Variants in ATP8B4 observed in about 807,000 individuals in gnomAD.
ATP8B4 encodes probable phospholipid-transporting ATPase IM.
A neutral mutation model predicts 145.6 loss-of-function variants in ATP8B4; 133 were observed. That is an observed-to-expected ratio of 0.91 (90% confidence interval 0.79 to 1.05). The LOEUF (loss-of-function observed/expected upper bound fraction) is 1.05. Among genes scored for constraint, ATP8B4 ranks in the 50% least tolerant of loss-of-function variants. The pLI is 0.00. For missense variants in ATP8B4, 1,458 were observed against 1,425.2 expected (o/e 1.02, Z -0.37); for synonymous variants, 507 against 492.9 (o/e 1.03, Z -0.38).
intron 20 of ATP8B4, among the ~76,000 whole-genome samples, chr15:49,913,253 G>A (rs1313259590): frequency 2.6e-5 from 4 of 151,804 alleles, no homozygotes; most frequent in African/African-American, 7.3e-5. Context: ...GATACATCAC[G>A]TCAACAAAAT....
At chr15:49,915,152 C>T (rs78885873) in intron 20 of ATP8B4, among the ~76,000 whole-genome samples, 6,642 of 152,130 alleles carry the variant, frequency 0.044, 506 homozygotes, top group African/African-American at 0.15. Flanking sequence ...TGAAATCCTA[C>T]CATTTTAAGC....
intron 6 of ATP8B4, among the ~76,000 whole-genome samples, chr15:50,032,827 TATAAG>T (rs369358935): frequency 2.6e-4 from 39 of 152,154 alleles, no homozygotes; most frequent in African/African-American, 9.2e-4. Flanking sequence ...AGAGAGGAAA[TATAAG>T]AAAATAGTAA....
intron 1 of ATP8B4, among the ~76,000 whole-genome samples, chr15:50,118,562 G>A (rs1245779125): frequency 1.3e-5 from 2 of 152,104 alleles, no homozygotes; most frequent in African/African-American, 4.8e-5. Context: ...CTTCAAAACA[G>A]CTAATTGTTA....
chr15:50,041,563 A>C (rs1005798332), intron 5 of ATP8B4, among the ~76,000 whole-genome samples: 1 of 152,192 alleles, frequency 6.6e-6, no homozygotes, highest in Non-Finnish European at 1.5e-5. Context: ...CGGCAACCTC[A>C]CAGGAATCAG....
chr15:49,905,137 G>T (rs1210301293), intron 20 of ATP8B4, among the ~76,000 whole-genome samples: 3 of 152,154 alleles, frequency 2.0e-5, no homozygotes, highest in Non-Finnish European at 2.9e-5. Flanking sequence ...AATTAACCCA[G>T]GACTCAAAGT....
chr15:50,019,723 A>G (rs755126997), intron 6 of ATP8B4, among the ~76,000 whole-genome samples: 16 of 152,170 alleles, frequency 1.1e-4, no homozygotes, highest in Non-Finnish European at 1.5e-4. Context: ...ACTAAATCCA[A>G]TGATCAGTTC....
At position 49,930,052 on chromosome 15, in the gene ATP8B4, A is replaced by G. The variant is rs961424656; in HGVS notation, c.1642+1067T>C. Among the ~76,000 whole-genome samples the G allele has an allele frequency of 2.6e-5, 4 of 152,082 alleles. 1 individual carries two copies. Among genetic ancestry groups the G allele is most frequent in the African/African-American group, 9.6e-5 (4 of 41,458 alleles). ...CACCAGCATATGAAGAATATTTTTAAGGAAACAGGAGGATAATATAGTTGT... is the reference window on the plus strand; with the variant it reads ...CACCAGCATATGAAGAATATTTTTAGGGAAACAGGAGGATAATATAGTTGT... On this transcript the variant is annotated intron_variant, in intron 16 of 27. Coordinates refer to ENST00000284509, the MANE Select transcript of ATP8B4 (RefSeq NM_024837.4).
intron 16 of ATP8B4, among the ~76,000 whole-genome samples, chr15:49,927,869 C>T (rs1003169814): frequency 5.3e-5 from 8 of 152,156 alleles, no homozygotes; most frequent in Non-Finnish European, 1.0e-4. Flanking sequence ...GTTGTCAAAA[C>T]ATAAAAATAA....
intron 6 of ATP8B4, among the ~76,000 whole-genome samples, chr15:50,036,561 A>G (rs2050852795): frequency 6.6e-6 from 1 of 152,246 alleles, no homozygotes; most frequent in African/African-American, 2.4e-5. Flanking sequence ...GCCAGTCTCC[A>G]TAGCCTGAGC....
At chr15:50,177,212 A>G (rs1237286280) in intron 1 of ATP8B4, among the ~76,000 whole-genome samples, 2 of 152,320 alleles carry the variant, frequency 1.3e-5, no homozygotes, top group East Asian at 3.9e-4. Context: ...CTTTTTTGTC[A>G]AGAATGGCCC....
At chr15:49,965,415 T>G (rs1468992024) in intron 13 of ATP8B4, among the ~76,000 whole-genome samples, 1 of 152,160 alleles carries the variant, frequency 6.6e-6, no homozygotes, top group Non-Finnish European at 1.5e-5. Flanking sequence ...AAGTGGACAC[T>G]CAGAATCCCA....
chr15:50,064,206 T>C (rs1027186623), intron 3 of ATP8B4, among the ~76,000 whole-genome samples: 4 of 152,110 alleles, frequency 2.6e-5, no homozygotes, highest in African/African-American at 9.7e-5. Context: ...CCTTCTTCCC[T>C]AAACTTTTGG....
chr15:49,938,740 A>G (rs185830192), intron 14 of ATP8B4, among the ~76,000 whole-genome samples: 85 of 152,232 alleles, frequency 5.6e-4, no homozygotes, highest in Admixed American at 4.6e-3. Context: ...CTTGAATTCA[A>G]TACTTGACCA....
chr15:49,928,353 G>A (rs78302745), intron 16 of ATP8B4, among the ~76,000 whole-genome samples: 1 of 152,068 alleles, frequency 6.6e-6, no homozygotes. Context: ...AGAGAAGTGG[G>A]GGAAAGGAGT....
At chr15:50,077,993 A>T (rs1203384170) in intron 2 of ATP8B4, among the ~76,000 whole-genome samples, 1 of 152,158 alleles carries the variant, frequency 6.6e-6, no homozygotes, top group Admixed American at 6.5e-5. Context: ...GCACTAATCT[A>T]TCTAGTCCTT....
chr15:50,148,169 C>A (rs1441641296), intron 1 of ATP8B4, among the ~76,000 whole-genome samples: 1 of 152,024 alleles, frequency 6.6e-6, no homozygotes, highest in Non-Finnish European at 1.5e-5. Context: ...GAGGAAACAT[C>A]ACATAAACCC....
At chr15:50,038,446 A>T (rs1177782332) in intron 6 of ATP8B4, among the ~76,000 whole-genome samples, 1 of 152,188 alleles carries the variant, frequency 6.6e-6, no homozygotes, top group South Asian at 2.1e-4. Flanking sequence ...TCACACACTC[A>T]TGAAACATCT....
chr15:50,151,253 G>A (rs910510614), intron 1 of ATP8B4, among the ~76,000 whole-genome samples: 2 of 152,158 alleles, frequency 1.3e-5, no homozygotes, highest in Non-Finnish European at 2.9e-5. Context: ...GTAATAACAG[G>A]TGTATTATAG....
intron 1 of ATP8B4, among the ~76,000 whole-genome samples, chr15:50,132,732 T>C (rs1417109675): frequency 6.6e-6 from 1 of 152,124 alleles, no homozygotes; most frequent in East Asian, 1.9e-4. Flanking sequence ...AGTGACAGAC[T>C]GGATAAAGAA....
Sources: allele counts gnomAD v4.1 joint callset (sites outside exome capture counted in the v4.1 genomes callset), GRCh38; gene constraint gnomAD v4.1.1; transcripts MANE v1.5; gene names NCBI Gene and HGNC (gene_info 2026-07-23, HGNC 2026-07-21).